TNFSF4: variants seen among roughly 807,000 people sequenced by gnomAD.
TNFSF4 encodes tumor necrosis factor ligand superfamily member 4.
A neutral mutation model predicts 7.3 loss-of-function variants in TNFSF4; 4 were observed. The observed-to-expected ratio is 0.55, with a 90% confidence interval of 0.27 to 1.25. The LOEUF is 1.25. Among genes scored for constraint, TNFSF4 ranks in the 50% most tolerant of loss-of-function variants. TNFSF4 has a pLI of 0.12. For missense variants in TNFSF4, 181 were observed against 208.8 expected (o/e 0.87, Z 0.82); for synonymous variants, 76 against 83.7 (o/e 0.91, Z 0.50).
At chr1:173,424,281 G>A in the TNFSF4 span, among the ~76,000 whole-genome samples, 1 of 152,154 alleles carries the variant, frequency 6.6e-6, no homozygotes. Flanking sequence ...TGCTTCTCAT[G>A]GGCAAGACTC....
chr1:173,369,418 A>C, the TNFSF4 span, among the ~76,000 whole-genome samples: 3 of 152,202 alleles, frequency 2.0e-5, no homozygotes, highest in Non-Finnish European at 1.5e-5. Context: ...GGTAAGGGCC[A>C]CTGAATCTGA....
chr1:173,179,754 T>G (rs1281268130), downstream of TNFSF4, among the ~76,000 whole-genome samples: 1 of 152,200 alleles, frequency 6.6e-6, no homozygotes, highest in East Asian at 1.9e-4. Flanking sequence ...ACTGTTAAAT[T>G]AGAATGAAGA....
chr1:173,285,801 T>C, the TNFSF4 span, among the ~76,000 whole-genome samples: 2 of 152,206 alleles, frequency 1.3e-5, no homozygotes, highest in Non-Finnish European at 2.9e-5. Context: ...CAGTATAGTA[T>C]ACATATAATT....
At chr1:173,291,791 C>A in the TNFSF4 span, among the ~76,000 whole-genome samples, 1 of 151,836 alleles carries the variant, frequency 6.6e-6, no homozygotes, top group African/African-American at 2.4e-5. Flanking sequence ...TCCCTATAAA[C>A]ACAAATATAA....
the TNFSF4 span, among the ~76,000 whole-genome samples, chr1:173,253,627 G>A: frequency 7.2e-5 from 11 of 152,288 alleles, no homozygotes; most frequent in East Asian, 1.7e-3. Flanking sequence ...ATGGGTTAGA[G>A]GGATAAAGCC....
At chr1:173,435,677 C>G in the TNFSF4 span, among the ~76,000 whole-genome samples, 1 of 152,196 alleles carries the variant, frequency 6.6e-6, no homozygotes, top group South Asian at 2.1e-4. Context: ...CCAACTAATA[C>G]AGTATGCAAT....
At chr1:173,344,299 A>G in the TNFSF4 span, among the ~76,000 whole-genome samples, 2 of 152,210 alleles carry the variant, frequency 1.3e-5, no homozygotes, top group Admixed American at 6.5e-5. Flanking sequence ...AGTTGGCAGT[A>G]TGGCATGGGG....
At chr1:173,336,069 G>T in the TNFSF4 span, among the ~76,000 whole-genome samples, 152 of 152,282 alleles carry the variant, frequency 1.0e-3, no homozygotes, top group African/African-American at 3.6e-3. Context: ...CCCAGTTCTA[G>T]AATGCATAAT....
the TNFSF4 span, chr1:173,174,637 A>T: frequency 6.6e-6 from 1 of 152,154 alleles, no homozygotes; most frequent in Admixed American, 6.5e-5. Context: ...GAAACCTCAG[A>T]TCTCATGAGA....
the TNFSF4 span, among the ~76,000 whole-genome samples, chr1:173,329,079 CTAAA>C: frequency 1.3e-5 from 2 of 152,154 alleles, no homozygotes; most frequent in Non-Finnish European, 2.9e-5. Flanking sequence ...AGGGTATCTA[CTAAA>C]TAAACTATTA....
At chr1:173,261,709 A>C in the TNFSF4 span, among the ~76,000 whole-genome samples, 7 of 152,210 alleles carry the variant, frequency 4.6e-5, no homozygotes, top group Admixed American at 4.6e-4. Flanking sequence ...ACCTCTATGC[A>C]CATAAACTAG....
the TNFSF4 span, among the ~76,000 whole-genome samples, chr1:173,306,977 A>G: frequency 6.6e-6 from 1 of 151,876 alleles, no homozygotes; most frequent in Non-Finnish European, 1.5e-5. Flanking sequence ...AATTCTCCAT[A>G]TGGTTCTCTG....
At chr1:173,418,614 A>G in the TNFSF4 span, 1 of 151,094 alleles carries the variant, frequency 6.6e-6, no homozygotes, top group South Asian at 2.1e-4. Flanking sequence ...CGTCTTGAAA[A>G]CTTTCATACT....
the TNFSF4 span, chr1:173,362,568 T>C: frequency 1.9e-6 from 1 of 531,652 alleles, no homozygotes; most frequent in Admixed American, 2.0e-5. Context: ...ATTCTCACAC[T>C]AAGTTGTCTT....
the TNFSF4 span, among the ~76,000 whole-genome samples, chr1:173,439,974 C>A: frequency 2.0e-5 from 3 of 152,244 alleles, no homozygotes; most frequent in Non-Finnish European, 4.4e-5. Context: ...GTAGGAACTA[C>A]TGAACCCTGG....
chr1:173,403,947 T>C, the TNFSF4 span, among the ~76,000 whole-genome samples: 1 of 152,062 alleles, frequency 6.6e-6, no homozygotes, highest in Admixed American at 6.5e-5. Flanking sequence ...TTGTGTTTGT[T>C]TGTTTAGTGC....
upstream of TNFSF4, among the ~76,000 whole-genome samples, chr1:173,211,331 C>T (rs1008574465): frequency 1.5e-4 from 23 of 152,162 alleles, no homozygotes; most frequent in African/African-American, 5.1e-4. Flanking sequence ...TGTCACTGTC[C>T]TGGTTAATGT....
the TNFSF4 span, among the ~76,000 whole-genome samples, chr1:173,338,319 C>T: frequency 6.6e-6 from 1 of 152,208 alleles, no homozygotes; most frequent in East Asian, 1.9e-4. Context: ...AAACTATCAT[C>T]TGTGGACTTA....
At chr1:173,296,024 T>C in the TNFSF4 span, among the ~76,000 whole-genome samples, 1 of 152,068 alleles carries the variant, frequency 6.6e-6, no homozygotes, top group African/African-American at 2.4e-5. Context: ...AGTTTTTTCA[T>C]AATACACATT....
Sources: allele counts gnomAD v4.1 joint callset (sites outside exome capture counted in the v4.1 genomes callset), GRCh38; gene constraint gnomAD v4.1.1; transcripts MANE v1.5; gene names NCBI Gene and HGNC (gene_info 2026-07-23, HGNC 2026-07-21).